AP2B1: variants seen among roughly 807,000 people sequenced by gnomAD.
AP2B1 encodes the protein AP-2 complex subunit beta.
In AP2B1, 23 loss-of-function variants were observed where a neutral mutation model predicts 102.0. That is an observed-to-expected ratio of 0.23 (90% CI 0.16 to 0.32). The LOEUF is 0.32. Ranked by LOEUF, AP2B1 falls within the 10% of genes least tolerant of loss-of-function variation. The probability of loss-of-function intolerance (pLI) is 1.00; values close to 1 mark genes in which losing one functional copy is unlikely to be tolerated. For missense variants in AP2B1, 541 were observed against 1,157.4 expected (o/e 0.47, Z 7.73); for synonymous variants, 381 against 421.2 (o/e 0.90, Z 1.17).
chr17:35,647,890 T>G (rs2074978757), intron 12 of AP2B1, among the ~76,000 whole-genome samples: 1 of 38,946 alleles, frequency 2.6e-5, no homozygotes, highest in South Asian at 5.1e-4. Context: ...TTTGGGGGTT[T>G]GTTTTTTTTT....
chr17:35,678,152 G>T (rs1304130241), intron 17 of AP2B1, among the ~76,000 whole-genome samples: 1 of 151,830 alleles, frequency 6.6e-6, no homozygotes, highest in Non-Finnish European at 1.5e-5. Flanking sequence ...TGAGTCACTG[G>T]GCCCAGCAGT....
chr17:35,655,266 A>C (rs1368565848), intron 13 of AP2B1, among the ~76,000 whole-genome samples: 1 of 152,194 alleles, frequency 6.6e-6, no homozygotes, highest in Non-Finnish European at 1.5e-5. Flanking sequence ...GTATACACTC[A>C]TATAATCACT....
At chr17:35,719,422 C>T (rs1057076339) in intron 21 of AP2B1, among the ~76,000 whole-genome samples, 6 of 151,932 alleles carry the variant, frequency 3.9e-5, no homozygotes, top group African/African-American at 1.5e-4. Context: ...GCCCTAACCC[C>T]GGCAGCCTTT....
intron 21 of AP2B1, among the ~76,000 whole-genome samples, chr17:35,720,545 T>TTATATATATATATATATATATA (rs1213888032): frequency 1.5e-4 from 8 of 54,370 alleles, no homozygotes; most frequent in African/African-American, 5.8e-4. Flanking sequence ...TTTATTTTAT[T>TTATATATATATATATATATATA]TATATATATA....
intron 5 of AP2B1, among the ~76,000 whole-genome samples, chr17:35,614,405 G>T (rs369410843): frequency 6.6e-6 from 1 of 151,916 alleles, no homozygotes; most frequent in African/African-American, 2.4e-5. Context: ...GCCCAGGTTG[G>T]TCTCAATCTC....
intron 16 of AP2B1, among the ~76,000 whole-genome samples, chr17:35,673,298 C>T (rs981085828): frequency 2.0e-4 from 31 of 152,124 alleles, no homozygotes; most frequent in African/African-American, 7.0e-4. Flanking sequence ...GCAAGCTCTG[C>T]CTCAGCCTCC....
chr17:35,705,679 G>A (rs142299636), intron 18 of AP2B1, among the ~76,000 whole-genome samples: 1,530 of 152,056 alleles, frequency 0.01, 20 homozygotes, highest in African/African-American at 0.035. Context: ...ATGCCACCAC[G>A]CCCAGCTAAT....
intron 1 of AP2B1, among the ~76,000 whole-genome samples, chr17:35,589,267 T>G (rs1002231557): frequency 4.6e-5 from 7 of 152,192 alleles, no homozygotes; most frequent in African/African-American, 1.7e-4. Flanking sequence ...CCTCTCACCT[T>G]TATAATAAAA....
intron 18 of AP2B1, among the ~76,000 whole-genome samples, chr17:35,691,925 A>T (rs766751477): frequency 3.3e-5 from 5 of 152,242 alleles, no homozygotes; most frequent in Non-Finnish European, 7.3e-5. Context: ...TATATTATGT[A>T]TTAGATATTC....
At chr17:35,613,503 T>C (rs1318702729) in intron 5 of AP2B1, among the ~76,000 whole-genome samples, 1 of 152,110 alleles carries the variant, frequency 6.6e-6, no homozygotes, top group Non-Finnish European at 1.5e-5. Flanking sequence ...GAAATACTAG[T>C]TAAGAGAGAA....
chr17:35,722,768 T>A (rs1375580183), intron 21 of AP2B1, among the ~76,000 whole-genome samples: 1 of 152,150 alleles, frequency 6.6e-6, no homozygotes, highest in Non-Finnish European at 1.5e-5. Context: ...GCTATTAAAT[T>A]TTCTGGTTCT....
At chr17:35,606,232 C>A (rs2142389402) in intron 4 of AP2B1, among the ~76,000 whole-genome samples, 1 of 151,594 alleles carries the variant, frequency 6.6e-6, no homozygotes, top group Admixed American at 6.6e-5. Flanking sequence ...CGTCTTACAT[C>A]ATTTGATTAA....
intron 14 of AP2B1, among the ~76,000 whole-genome samples, chr17:35,658,496 G>T (rs1380860691): frequency 6.6e-6 from 1 of 152,030 alleles, no homozygotes; most frequent in Non-Finnish European, 1.5e-5. Flanking sequence ...TTCTGTACAA[G>T]ATAAATGAAT....
Position 35,682,727 on chromosome 17 carries a change from T to A in AP2B1, c.2357T>A (p.Ile786Asn). 1 of 1,612,534 alleles carries A rather than the reference T, an allele frequency of 6.2e-7. No individual in the cohort carries two copies. The highest frequency in any genetic ancestry group is 2.2e-5 in the East Asian group (1 of 44,794). Residue 786 changes from isoleucine to asparagine, a missense_variant, in exon 18 of 22, where the codon ATC (isoleucine) becomes AAC (asparagine). Around this residue, in one of 10 missense-constraint regions of AP2B1, gnomAD observed 117 missense variants for 206.7 expected, o/e 0.57. Coordinates refer to ENST00000610402, the MANE Select transcript of AP2B1 (RefSeq NM_001030006.2). ...GTCATCCCCAGCACTCCTCTGGCCA[T>A]CCATACACCACTGATGCCAAACCAG... Reference protein sequence around the residue: ...FGVIPSTPLAIHTPLMPNQSI... With the variant: ...FGVIPSTPLANHTPLMPNQSI...
At chr17:35,641,840 C>T in intron 11 of AP2B1, 37 bp from the exon 12 acceptor site, 1 of 1,466,620 alleles carries the variant, frequency 6.8e-7, no homozygotes, top group Non-Finnish European at 9.5e-7. Context: ...AATGCCAGTG[C>T]CATTCTTTCA....
At chr17:35,704,335 C>A (rs1325825675) in intron 18 of AP2B1, among the ~76,000 whole-genome samples, 1 of 152,192 alleles carries the variant, frequency 6.6e-6, no homozygotes, top group Non-Finnish European at 1.5e-5. Context: ...CCCATCCCCC[C>A]ATTCCTGCCT....
chr17:35,633,231 A>G (rs1005920041), intron 9 of AP2B1, among the ~76,000 whole-genome samples: 1 of 152,006 alleles, frequency 6.6e-6, no homozygotes. Flanking sequence ...TTGGTGGCCC[A>G]TACTTGTAAT....
chr17:35,657,993 G>T (rs1237554105), intron 14 of AP2B1, among the ~76,000 whole-genome samples: 1 of 152,176 alleles, frequency 6.6e-6, no homozygotes. Context: ...ATGTCTGCAA[G>T]TGTATGGGAT....
At chr17:35,613,958 A>G (rs889509595) in intron 5 of AP2B1, among the ~76,000 whole-genome samples, 1 of 152,160 alleles carries the variant, frequency 6.6e-6, no homozygotes, top group Admixed American at 6.5e-5. Flanking sequence ...TCACAAGTAT[A>G]TATTTGCAAG....
Sources: gnomAD v4.1 joint callset for allele counts (sites outside exome capture counted in the v4.1 genomes callset) on GRCh38, gnomAD v4.1.1 for gene constraint, gnomAD v4.1.1 regional missense constraint, MANE v1.5 for transcripts, NCBI Gene and HGNC (gene_info 2026-07-23, HGNC 2026-07-21) for gene names.